The following KCNS3 variants were observed in gnomAD, a reference collection of about 807,000 sequenced individuals.
KCNS3 encodes delayed-rectifier potassium channel regulatory subunit KCNS3.
KCNS3 carries 13 observed loss-of-function variants against 31.0 expected under a neutral mutation model. The observed-to-expected ratio is 0.42, with a 90% CI of 0.27 to 0.67. KCNS3 has a LOEUF of 0.67. Among genes scored for constraint, KCNS3 ranks in the 30% least tolerant of loss-of-function variants. The pLI is 0.25. For missense variants in KCNS3, 545 were observed against 622.4 expected, an observed-to-expected ratio of 0.88 and a Z score of 1.32; for synonymous variants, 238 against 241.5, an observed-to-expected ratio of 0.99 and a Z score of 0.13.
intron 1 of KCNS3, among the ~76,000 whole-genome samples, chr2:17,903,703 C>T (rs4832515): frequency 0.13 from 19,584 of 151,068 alleles, 1,891 homozygotes; most frequent in East Asian, 0.38. Flanking sequence ...TGAGAACATG[C>T]GGTGTTTGGT....
chr2:17,931,969 T>C lies in KCNS3; in HGVS notation c.961T>C (p.Tyr321His), dbSNP rs774736288. Residue 321 changes from tyrosine (Y) to histidine (H), a missense_variant, in exon 3 of 3, where the codon TAC becomes CAC. Transcript: ENST00000304101. This position sits in a 1 kb window ranked among gnomAD's most constrained non-coding sequence, Gnocchi z 5.4. ...RSLGATLRHS[Y>H]HEVGLLLLFL... ...TCTAGGTGCCACACTGAGACACAGC[T>C]ACCATGAAGTTGGGCTTCTGCTTCT... 5 of 1,613,994 alleles carry C rather than the reference T, an allele frequency of 3.1e-6. No homozygotes were observed. Among genetic ancestry groups the C allele is most frequent in the Non-Finnish European group, 4.2e-6 (5 of 1,180,028 alleles).
At chr2:17,888,430 G>T (rs1661742472) in intron 1 of KCNS3, among the ~76,000 whole-genome samples, 1 of 151,432 alleles carries the variant, frequency 6.6e-6, no homozygotes, top group Admixed American at 6.6e-5. Context: ...TCCTACAGGT[G>T]GCTACCCAAT....
In KCNS3 at chr2:17,931,827, C is replaced by T. The variant is rs1054793745; in HGVS notation, c.819C>T (p.Asp273=). Residue 273 remains aspartate, a synonymous_variant, in exon 3 of 3, where the codon GAC becomes GAT. Coordinates refer to ENST00000304101, the MANE Select transcript of KCNS3 (RefSeq NM_002252.5). The surrounding 1 kb of genome is among the most constrained non-coding windows in gnomAD (Gnocchi z 5.4). Reference sequence around the variant, plus strand: ...CCTTCTATGCCACGTTGGCTGTAGACACCAAGGAGGAAGAGAGTGAGGATA... The same window carrying T: ...CCTTCTATGCCACGTTGGCTGTAGATACCAAGGAGGAAGAGAGTGAGGATA... ...IIPFYATLAV[D]TKEEESEDIE... is the part of the protein sequence containing the mutation. The T allele has an allele frequency of 1.2e-6, 2 of 1,614,194 alleles. No individual in the cohort carries two copies. Among genetic ancestry groups the T allele is most frequent in the Admixed American group, 1.7e-5 (1 of 60,026 alleles).
At chr2:17,909,257 C>G (rs1012119926) in intron 1 of KCNS3, among the ~76,000 whole-genome samples, 5 of 152,080 alleles carry the variant, frequency 3.3e-5, no homozygotes, top group Non-Finnish European at 7.4e-5. Flanking sequence ...CCCTCCAAGC[C>G]ATGCATGGGA....
chr2:17,896,308 C>T (rs537066245), intron 1 of KCNS3, among the ~76,000 whole-genome samples: 1 of 152,048 alleles, frequency 6.6e-6, no homozygotes, highest in Non-Finnish European at 1.5e-5. Context: ...TGCTTCAGCC[C>T]CCCTAAAGTG....
intron 2 of KCNS3, among the ~76,000 whole-genome samples, chr2:17,926,005 C>T (rs1409233300): frequency 1.3e-5 from 2 of 152,186 alleles, no homozygotes; most frequent in Non-Finnish European, 2.9e-5. Flanking sequence ...AATGGGGGTA[C>T]AGGCATTGGA....
At chr2:17,921,224 T>A (rs1662696150) in intron 2 of KCNS3, among the ~76,000 whole-genome samples, 1 of 152,198 alleles carries the variant, frequency 6.6e-6, no homozygotes, top group Admixed American at 6.5e-5. Context: ...TTTTAACATG[T>A]ACAAAAATAA....
chr2:17,904,917 G>T (rs1662279643), intron 1 of KCNS3, among the ~76,000 whole-genome samples: 1 of 152,026 alleles, frequency 6.6e-6, no homozygotes, highest in Non-Finnish European at 1.5e-5. Flanking sequence ...TTGTTCTTTG[G>T]GCTTAGGATT....
chr2:17,878,938 C>T (rs1244007118), intron 1 of KCNS3, 132 bp downstream of exon 1: 1 of 152,274 alleles, frequency 6.6e-6, no homozygotes, highest in African/African-American at 2.4e-5. Flanking sequence ...TGCACGACCC[C>T]GAGGGTCTAC....
At position 17,914,278 on chromosome 2, in the gene KCNS3, G is replaced by GCT. The variant is rs576907079; in HGVS notation, c.-251-3400_-251-3399dup. Among the ~76,000 whole-genome samples the GCT allele has an allele frequency of 7.9e-5, 12 of 152,342 alleles. No individual in the cohort carries two copies. The East Asian group carries it at 2.1e-3, about 27-fold the overall frequency. On this transcript the variant is annotated intron_variant, in intron 1 of 2. Coordinates refer to ENST00000304101, the MANE Select transcript of KCNS3 (RefSeq NM_002252.5). ...CTTGTGTTGGCCGCATAGCTCGTTT[G>GCT]CTCCTCATAGCAAGGTGTGTGGGAA...
At chr2:17,921,894 CATAT>C (rs1249423048) in intron 2 of KCNS3, among the ~76,000 whole-genome samples, 86 of 108,808 alleles carry the variant, frequency 7.9e-4, no homozygotes, top group Middle Eastern at 6.0e-3. Flanking sequence ...CCCTGATTTT[CATAT>C]ATATGTGTGT....
chr2:17,929,898 AGT>A (rs1454782086), intron 2 of KCNS3, among the ~76,000 whole-genome samples: 2 of 152,276 alleles, frequency 1.3e-5, no homozygotes, highest in Non-Finnish European at 2.9e-5. Context: ...GCTACCATAT[AGT>A]GTTGGAAGGA....
chr2:17,907,866 G>A (rs1231701458), intron 1 of KCNS3, among the ~76,000 whole-genome samples: 3 of 152,302 alleles, frequency 2.0e-5, no homozygotes, highest in Non-Finnish European at 2.9e-5. Context: ...TGGGCAACCC[G>A]ACCTTTCTCT....
chr2:17,929,819 A>G (rs137981968), intron 2 of KCNS3, among the ~76,000 whole-genome samples: 1 of 152,316 alleles, frequency 6.6e-6, no homozygotes, highest in East Asian at 1.9e-4. Flanking sequence ...CCTGGGTTTA[A>G]ATCTTGGCTC....
chr2:17,896,412 A>G (rs1327057178), intron 1 of KCNS3, among the ~76,000 whole-genome samples: 1 of 152,108 alleles, frequency 6.6e-6, no homozygotes, highest in Non-Finnish European at 1.5e-5. Context: ...AGGGCATTAC[A>G]AGTAGAAGCA....
upstream of KCNS3, among the ~76,000 whole-genome samples, chr2:17,878,216 T>G (rs1196815257): frequency 6.6e-6 from 1 of 152,082 alleles, no homozygotes; most frequent in East Asian, 1.9e-4. Flanking sequence ...CCAGGCAAAT[T>G]AGCAAAGTGT....
chr2:17,884,159 A>G (rs1056096248), intron 1 of KCNS3, among the ~76,000 whole-genome samples: 10 of 148,010 alleles, frequency 6.8e-5, no homozygotes, highest in African/African-American at 2.5e-4. Context: ...TAATGTAAAT[A>G]ACGAGTTAGT....
chr2:17,892,124 C>T lies in KCNS3; in HGVS notation c.-252+13318C>T, dbSNP rs188243613. 6.7e-3 allele frequency among the ~76,000 whole-genome samples: 1,014 copies of T among 152,086 alleles called. 13 individuals carry two copies. The highest frequency in any genetic ancestry group is 0.023 in the African/African-American group (963 of 41,508). ...TTCTTAGAGGCTTTGTTCACATTTTCTTATTCTTTTTTCTTTGTCTTTGTT... is the reference window on the plus strand; with the variant it reads ...TTCTTAGAGGCTTTGTTCACATTTTTTTATTCTTTTTTCTTTGTCTTTGTT... On this transcript the variant is annotated intron_variant, in intron 1 of 2. Coordinates refer to ENST00000304101, the MANE Select transcript of KCNS3 (RefSeq NM_002252.5).
chr2:17,922,451 C>T (rs1194193664), intron 2 of KCNS3, among the ~76,000 whole-genome samples: 1 of 152,114 alleles, frequency 6.6e-6, no homozygotes, highest in South Asian at 2.1e-4. Context: ...TCAAGTGATC[C>T]TCCTGCCTTG....
Sources: gnomAD v4.1 joint callset for allele counts (sites outside exome capture counted in the v4.1 genomes callset) on GRCh38, gnomAD v4.1.1 for gene constraint, Gnocchi (gnomAD v3.1) non-coding constraint, MANE v1.5 for transcripts, NCBI Gene and HGNC (gene_info 2026-07-23, HGNC 2026-07-21) for gene names.